Variants in BUB3 observed in about 807,000 individuals in gnomAD.
The protein encoded by BUB3 is BUB3 mitotic checkpoint protein.
BUB3 carries 22 observed loss-of-function variants against 39.9 expected under a neutral mutation model. The ratio of observed to expected loss-of-function variants is 0.55; its 90% CI spans 0.39 to 0.79. The LOEUF (loss-of-function observed/expected upper bound fraction) is 0.79, where lower values mean the gene tolerates loss of function less well. Among genes scored for constraint, BUB3 ranks in the 30% least tolerant of loss-of-function variants. The pLI is 0.00. For missense variants in BUB3, 303 were observed against 415.4 expected, an observed-to-expected ratio of 0.73 and a Z score of 2.35; for synonymous variants, 168 against 155.1, an observed-to-expected ratio of 1.08 and a Z score of -0.62.
At position 123,162,369 on chromosome 10, in the gene BUB3, T is replaced by G; in HGVS notation, c.710T>G (p.Val237Gly). ...KENNIEQIYPVNAISFHNIHN... is the reference protein window; with the variant it reads ...KENNIEQIYPGNAISFHNIHN... ...AATAATATTGAGCAGATTTACCCAG[T>G]CAATGCCATTTCTTTTCACAATATC... Residue 237 changes from valine (V) to glycine (G), a missense_variant, in exon 6 of 8, where the codon GTC becomes GGC. By Grantham distance (109) the Val-to-Gly change is moderately radical. Transcript: ENST00000368865. The G allele has an allele frequency of 6.2e-7, 1 of 1,614,132 alleles. No individual in the cohort carries two copies.
At chr10:123,155,804 G>T in intron 3 of BUB3, 77 bp downstream of exon 3, 2 of 1,379,964 alleles carry the variant, frequency 1.4e-6, no homozygotes, top group Non-Finnish European at 2.1e-6. Flanking sequence ...AGGAAGAGTG[G>T]TTCCTAAATT....
chr10:123,166,646 AC>A lies in BUB3; in HGVS notation c.*2814del, dbSNP rs1296584193. On this transcript the variant is annotated 3_prime_UTR_variant, in exon 8 of 8. Coordinates refer to ENST00000368865, the MANE Select transcript of BUB3 (RefSeq NM_004725.4). ...CCACTGCTTCCTGTTGCTCATAGTC[AC>A]CCTTCAGTGATTTCATAAGGAGGTG... 3 of 152,230 alleles carry A rather than the reference AC, an allele frequency of 2.0e-5. No individual in the cohort carries two copies. The highest frequency in any genetic ancestry group is 7.2e-5 in the African/African-American group (3 of 41,534). 9.4% of individuals were successfully genotyped at this position (152,230 alleles called of 1,614,324 possible).
At position 123,163,948 on chromosome 10, in the gene BUB3, TAAC is replaced by T. The variant is rs781723991; in HGVS notation, c.*117_*119del. 3.6e-5 allele frequency: 49 copies of T among 1,343,664 alleles called. No homozygotes were observed. Among genetic ancestry groups the T allele is most frequent in the Middle Eastern group, 2.6e-4 (1 of 3,808 alleles). The allele number at this position is 1,343,664 out of a possible 1,614,324, so 83.2% of individuals were successfully genotyped here. ...AGGGAAAATATTAATTTTAATATTA[TAAC>T]AACCTGAAAATAATGGAAAAGAGGT... is the stretch of plus-strand genomic sequence containing the variant. On this transcript the variant is annotated 3_prime_UTR_variant, in exon 8 of 8. Transcript: ENST00000368865.
rs1844439118 is a variant in BUB3 at position 123,162,596 on chromosome 10, T to C, written c.755-16T>C. ...GGTGTTAAGAACCATTTTAACTGTT[T>C]TGAAATTACTTCCAGGTGGTTCTGA... On this transcript the variant is annotated splice_polypyrimidine_tract_variant and intron_variant, in intron 6 of 7. Coordinates refer to ENST00000368865, the MANE Select transcript of BUB3 (RefSeq NM_004725.4). The C allele has an allele frequency of 3.8e-6, 6 of 1,599,874 alleles. No individual in the cohort carries two copies. The Admixed American group carries it at 7.2e-5, about 19-fold the overall frequency.
rs773825617 is a variant in BUB3, at chr10:123,155,019, C to G, written c.102C>G (p.Ser34=). The G allele has an allele frequency of 1.9e-6, 3 of 1,614,212 alleles. No homozygotes were observed. The highest frequency in any genetic ancestry group is 1.1e-5 in the South Asian group (1 of 91,086). Residue 34 remains serine (S), a synonymous_variant, in exon 2 of 8, where the codon TCC becomes TCG. Coordinates refer to ENST00000368865, the MANE Select transcript of BUB3 (RefSeq NM_004725.4). The stretch of plus-strand genomic sequence containing the variant: ...CCTCCCAGTTCCTGCTTGTCTCCTC[C>G]TGGGACACGTCCGTGCGTCTCTACG... ...PNTSQFLLVS[S]WDTSVRLYDV... is the part of the protein sequence containing the mutation.
chr10:123,160,807 G>A (rs1844411957), intron 5 of BUB3, among the ~76,000 whole-genome samples: 1 of 152,126 alleles, frequency 6.6e-6, no homozygotes, highest in Admixed American at 6.5e-5. Flanking sequence ...TCAGGAAGTG[G>A]TTTGAATAGA....
intron 5 of BUB3, 36 bp downstream of exon 5, chr10:123,160,601 G>A: frequency 4.7e-6 from 7 of 1,491,662 alleles, no homozygotes; most frequent in Non-Finnish European, 6.3e-6. Context: ...TCTGGAATTT[G>A]AAAATAATAT....
Position 123,162,424 on chromosome 10 carries a change from G to A in BUB3, c.754+11G>A, listed in dbSNP as rs1844437150. On this transcript the variant is annotated intron_variant, in intron 6 of 7. Transcript: ENST00000368865. ...ATACATTTGCCACAGGTAAAGTATG[G>A]CATGCTGACCTATATTTAATTATTA... 5 of 1,611,664 alleles carry A rather than the reference G, an allele frequency of 3.1e-6. No homozygotes were observed. Among genetic ancestry groups the A allele is most frequent in the Non-Finnish European group, 4.2e-6 (5 of 1,178,870 alleles).
At chr10:123,157,972 G>A (rs1844370883) in intron 4 of BUB3, 92 bp downstream of exon 4, 1 of 1,335,026 alleles carries the variant, frequency 7.5e-7, no homozygotes, top group African/African-American at 1.5e-5. Context: ...TGAATTTAAA[G>A]GTGAAAAGTC....
At chr10:123,162,850 T>A in intron 7 of BUB3, 22 bp downstream of exon 7, 2 of 1,598,580 alleles carry the variant, frequency 1.3e-6, no homozygotes, top group South Asian at 2.2e-5. Context: ...TCACCTGTAT[T>A]TGAGCCTTTT....
In BUB3 at chr10:123,167,875, A is replaced by G. The variant is rs1844509679; in HGVS notation, c.*4040A>G. On this transcript the variant is annotated 3_prime_UTR_variant, in exon 8 of 8. Transcript: ENST00000368865. Reference sequence around the variant, plus strand: ...AAATGATTACCACAAGGAGGTTACTAAACATCTCCATCACCTTGTTAAATT... The same window carrying G: ...AAATGATTACCACAAGGAGGTTACTGAACATCTCCATCACCTTGTTAAATT... The G allele has an allele frequency of 6.6e-6, 1 of 152,246 alleles. No individual in the cohort carries two copies. Among genetic ancestry groups the G allele is most frequent in the Admixed American group, 6.5e-5 (1 of 15,288 alleles). The allele number at this position is 152,246 out of a possible 1,614,324, so 9.4% of individuals were successfully genotyped here. A position where few individuals can be genotyped will look rare whatever the true frequency, so the allele number is the denominator to read the frequency against.
Position 123,162,217 on chromosome 10 carries a change from T to C in BUB3, c.577-19T>C. The C allele has an allele frequency of 6.3e-7, 1 of 1,590,718 alleles. No individual in the cohort carries two copies. The highest frequency in any genetic ancestry group is 8.5e-7 in the Non-Finnish European group (1 of 1,170,580). On this transcript the variant is annotated intron_variant, in intron 5 of 7. Transcript: ENST00000368865. ...AAGCTGGAATTTACCATTTTTTTCC[T>C]CTGGTTCTCTCTTGGCAGGGTTATG...
chr10:123,155,695 A>G lies in BUB3; in HGVS notation c.233A>G (p.Gln78Arg). ...GCCTGGAGTGGAGGACTAGATCATC[A>G]ATTGAAAATGCATGATTTGAACACT... ...THAWSGGLDH[Q>R]LKMHDLNTDQ... The change falls in exon 3 of 8, where the codon CAA (glutamine) becomes CGA (arginine). Residue 78 changes from glutamine (Q) to arginine (R), a missense_variant. This residue lies in a region of BUB3 where 121 missense variants were observed against 122.3 expected (regional missense o/e 0.99). Coordinates refer to ENST00000368865, the MANE Select transcript of BUB3 (RefSeq NM_004725.4). 2 of 1,614,136 alleles carry G rather than the reference A, an allele frequency of 1.2e-6. No homozygotes were observed. Among genetic ancestry groups the G allele is most frequent in the Non-Finnish European group, 1.7e-6 (2 of 1,180,014 alleles).
chr10:123,163,395 G>A (rs1463127690), intron 7 of BUB3, among the ~76,000 whole-genome samples: 4 of 152,162 alleles, frequency 2.6e-5, no homozygotes, highest in Admixed American at 2.6e-4. Flanking sequence ...GATACCAACA[G>A]GGCAAAGCTT....
chr10:123,156,753 G>GTTTTT (rs756642442), intron 3 of BUB3, among the ~76,000 whole-genome samples: 1 of 135,118 alleles, frequency 7.4e-6, no homozygotes, highest in South Asian at 2.4e-4. Context: ...TTTCTTTCTT[G>GTTTTT]TTTTTTTTTT....
In BUB3 at chr10:123,155,577, T is replaced by C. The variant is rs1312861506; in HGVS notation, c.196-81T>C. On this transcript the variant is annotated intron_variant, in intron 2 of 7. Transcript: ENST00000368865. ...CCCAGTGCATATCCCGAGCATAAAC[T>C]GAACACTTGCTTGTAGAAATAAGAA... 3.7e-6 allele frequency: 5 copies of C among 1,352,622 alleles called. No individual in the cohort carries two copies. The South Asian group carries it at 4.8e-5, about 13-fold the overall frequency. The allele number at this position is 1,352,622 out of a possible 1,614,324, so 83.8% of individuals were successfully genotyped here.
At chr10:123,155,327 C>G (rs1349757003) in intron 2 of BUB3, among the ~76,000 whole-genome samples, 1 of 152,226 alleles carries the variant, frequency 6.6e-6, no homozygotes, top group East Asian at 1.9e-4. Flanking sequence ...CTGTTACACG[C>G]TTGTGGAGTA....
rs11248419 is a variant in BUB3 at position 123,165,692 on chromosome 10, A to G, written c.*1857A>G. 26,980 of 152,200 alleles carry G rather than the reference A, an allele frequency of 0.18. 2,844 individuals carry two copies. Among genetic ancestry groups the G allele is most frequent in the East Asian group, 0.36 (1,837 of 5,148 alleles). 9.4% of individuals were successfully genotyped at this position (152,200 alleles called of 1,614,324 possible). A position where few individuals can be genotyped will look rare whatever the true frequency, so the allele number is the denominator to read the frequency against. ...TTTGGCTCAGTGCTTTACTAGTGCC[A>G]GCGCAGTAGTGCTTAGGTAGCTTGT... On this transcript the variant is annotated 3_prime_UTR_variant, in exon 8 of 8. Transcript: ENST00000368865.
rs201226325 is a variant in BUB3 at position 123,163,877 on chromosome 10, A to T, written c.*42A>T. ...TAAGTGCCATGTTGATGATAATAAA[A>T]CAATTCGTACTCCCCAATGGTGGAT... is the stretch of plus-strand genomic sequence containing the variant. On this transcript the variant is annotated 3_prime_UTR_variant, in exon 8 of 8. Coordinates refer to ENST00000368865, the MANE Select transcript of BUB3 (RefSeq NM_004725.4). 112 of 1,578,364 alleles carry T rather than the reference A, an allele frequency of 7.1e-5. No individual in the cohort carries two copies. The highest frequency in any genetic ancestry group is 9.3e-5 in the Non-Finnish European group (107 of 1,152,344).
Sources: gnomAD v4.1 joint callset for allele counts (sites outside exome capture counted in the v4.1 genomes callset) on GRCh38, gnomAD v4.1.1 for gene constraint, gnomAD v4.1.1 regional missense constraint, MANE v1.5 for transcripts, NCBI Gene and HGNC (gene_info 2026-07-23, HGNC 2026-07-21) for gene names.